The following CCSER1 variants were observed in gnomAD, a reference collection of about 807,000 sequenced individuals.
CCSER1 encodes the protein serine-rich coiled-coil domain-containing protein 1.
CCSER1 carries 41 observed loss-of-function variants against 82.0 expected under a neutral mutation model. The ratio of observed to expected loss-of-function variants is 0.50; its 90% CI spans 0.39 to 0.65. The LOEUF is 0.65. CCSER1 is among the 30% of genes least tolerant of loss of function. The pLI, the probability that CCSER1 is intolerant of heterozygous loss-of-function variation, is 0.00. For synonymous variants in CCSER1, 414 were observed against 383.9 expected (o/e 1.08, Z -0.92); for missense variants, 1,119 against 1,064.2 (o/e 1.05, Z -0.72).
At chr4:90,368,952 C>A (rs1380211606) in intron 3 of CCSER1, among the ~76,000 whole-genome samples, 1 of 151,628 alleles carries the variant, frequency 6.6e-6, no homozygotes, top group African/African-American at 2.4e-5. Flanking sequence ...TTCCACTAAT[C>A]AATAAAATAA....
chr4:91,511,369 C>A (rs961044277), intron 10 of CCSER1, among the ~76,000 whole-genome samples: 1 of 152,060 alleles, frequency 6.6e-6, no homozygotes, highest in African/African-American at 2.4e-5. Context: ...AAATGACATT[C>A]ATAGCTTGAC....
intron 1 of CCSER1, among the ~76,000 whole-genome samples, chr4:90,168,233 G>A (rs1730900994): frequency 6.6e-6 from 1 of 152,128 alleles, no homozygotes; most frequent in Non-Finnish European, 1.5e-5. Context: ...CAGTGATGAT[G>A]AGCATTATTT....
In CCSER1 at chr4:90,723,970, T is replaced by C; in HGVS notation, c.1989T>C (p.Thr663=). 2 of 1,577,580 alleles carry C rather than the reference T, an allele frequency of 1.3e-6. No homozygotes were observed. Residue 663 remains threonine (T), a synonymous_variant, in exon 7 of 11, where the codon ACT becomes ACC. Transcript: ENST00000509176. ...STTSLPVSPL[T]EEPVPFKDIM... is the part of the protein sequence containing the mutation. ...CGTCACTTCCTGTTAGTCCTCTTACTGAAGAGCCAGTGCCTTTCAAGGTAA... is the reference window on the plus strand; with the variant it reads ...CGTCACTTCCTGTTAGTCCTCTTACCGAAGAGCCAGTGCCTTTCAAGGTAA...
intron 1 of CCSER1, among the ~76,000 whole-genome samples, chr4:90,173,037 G>T (rs183914355): frequency 6.6e-6 from 1 of 151,728 alleles, no homozygotes; most frequent in Non-Finnish European, 1.5e-5. Context: ...GGAAAGTGGC[G>T]ATTTCAGTTT....
intron 1 of CCSER1, among the ~76,000 whole-genome samples, chr4:90,259,083 T>TG (rs1723861990): frequency 6.6e-6 from 1 of 152,186 alleles, no homozygotes; most frequent in African/African-American, 2.4e-5. Flanking sequence ...GTATGGTCAT[T>TG]TTCACAATAT....
At chr4:90,726,159 TAGTC>T (rs1743604731) in intron 7 of CCSER1, among the ~76,000 whole-genome samples, 3 of 152,084 alleles carry the variant, frequency 2.0e-5, no homozygotes, top group African/African-American at 7.2e-5. Context: ...TCCACTTTCT[TAGTC>T]AGTTTTGGAA....
chr4:90,176,885 T>G (rs2153382557), intron 1 of CCSER1, among the ~76,000 whole-genome samples: 1 of 152,156 alleles, frequency 6.6e-6, no homozygotes, highest in Non-Finnish European at 1.5e-5. Flanking sequence ...GGGTACAGAT[T>G]AGTTAGGCTG....
At chr4:91,484,661 C>T (rs1278651557) in intron 10 of CCSER1, among the ~76,000 whole-genome samples, 1 of 152,026 alleles carries the variant, frequency 6.6e-6, no homozygotes, top group Non-Finnish European at 1.5e-5. Context: ...TGATTTTTAG[C>T]TTCTAAAGAG....
chr4:91,347,945 C>T (rs1039850131), intron 10 of CCSER1, among the ~76,000 whole-genome samples: 1 of 151,858 alleles, frequency 6.6e-6, no homozygotes, highest in African/African-American at 2.4e-5. Flanking sequence ...TCTTCCTTCC[C>T]AATCTGTCTA....
intron 10 of CCSER1, among the ~76,000 whole-genome samples, chr4:91,284,801 C>T (rs1390288082): frequency 1.3e-5 from 2 of 152,022 alleles, no homozygotes; most frequent in African/African-American, 4.8e-5. Flanking sequence ...AAGGTACAGT[C>T]CTGTTTGCAT....
chr4:90,925,127 CAGAG>C (rs1034634740), intron 9 of CCSER1, among the ~76,000 whole-genome samples: 4 of 152,090 alleles, frequency 2.6e-5, no homozygotes, highest in Admixed American at 6.6e-5. Flanking sequence ...ATCTGCAAGA[CAGAG>C]AGTTTGTTCA....
At chr4:90,151,187 A>G (rs548808252) in intron 1 of CCSER1, among the ~76,000 whole-genome samples, 2 of 152,244 alleles carry the variant, frequency 1.3e-5, no homozygotes, top group East Asian at 1.9e-4. Flanking sequence ...AATCGTACTT[A>G]TACAAAATGA....
At chr4:91,258,604 A>T (rs1300580243) in intron 10 of CCSER1, among the ~76,000 whole-genome samples, 2 of 152,108 alleles carry the variant, frequency 1.3e-5, no homozygotes, top group Admixed American at 1.3e-4. Flanking sequence ...TTTAAGGCTA[A>T]GTTATGAAGC....
At chr4:91,467,611 G>A (rs1302816510) in intron 10 of CCSER1, among the ~76,000 whole-genome samples, 1 of 152,054 alleles carries the variant, frequency 6.6e-6, no homozygotes, top group African/African-American at 2.4e-5. Context: ...ATCTGACAAA[G>A]GGCTAATATC....
chr4:90,577,711 A>T (rs1030039153), intron 5 of CCSER1, among the ~76,000 whole-genome samples: 12 of 152,094 alleles, frequency 7.9e-5, no homozygotes, highest in African/African-American at 2.9e-4. Flanking sequence ...AAATTTTTGT[A>T]TCATATTTTT....
intron 5 of CCSER1, among the ~76,000 whole-genome samples, chr4:90,619,036 A>T (rs1177502397): frequency 2.0e-5 from 3 of 151,804 alleles, no homozygotes; most frequent in African/African-American, 7.2e-5. Context: ...TATTTATAAA[A>T]TGTTGTTTTC....
At chr4:91,296,959 G>A (rs1744228354) in intron 10 of CCSER1, among the ~76,000 whole-genome samples, 1 of 151,614 alleles carries the variant, frequency 6.6e-6, no homozygotes, top group African/African-American at 2.4e-5. Context: ...ACATCAAAAT[G>A]TTGTGAAGAT....
chr4:91,519,936 C>A (rs943486163), intron 10 of CCSER1, among the ~76,000 whole-genome samples: 3 of 152,330 alleles, frequency 2.0e-5, no homozygotes, highest in East Asian at 3.9e-4. Flanking sequence ...CTTGTCCCTT[C>A]CCCCAATTTG....
At chr4:90,887,730 G>T (rs1018374608) in intron 8 of CCSER1, among the ~76,000 whole-genome samples, 5 of 151,952 alleles carry the variant, frequency 3.3e-5, no homozygotes, top group African/African-American at 1.2e-4. Context: ...AAAAATACAA[G>T]AATTAGTTAG....
Sources: allele counts gnomAD v4.1 joint callset (sites outside exome capture counted in the v4.1 genomes callset), GRCh38; gene constraint gnomAD v4.1.1; transcripts MANE v1.5; gene names NCBI Gene and HGNC (gene_info 2026-07-23, HGNC 2026-07-21).